NKAIN3: variants seen among roughly 807,000 people sequenced by gnomAD.
NKAIN3 encodes the protein sodium/potassium transporting ATPase interacting 3.
A neutral mutation model predicts 30.2 loss-of-function variants in NKAIN3; 25 were observed. The observed-to-expected ratio is 0.83, with a 90% CI of 0.60 to 1.16. The LOEUF (loss-of-function observed/expected upper bound fraction) is 1.16, where lower values mean the gene tolerates loss of function less well. Ranked by LOEUF, NKAIN3 falls within the 50% of genes most tolerant of loss-of-function variation. NKAIN3 has a pLI of 0.00. For synonymous variants in NKAIN3, 91 were observed against 89.6 expected (o/e 1.02, Z -0.09); for missense variants, 225 against 254.1 (o/e 0.89, Z 0.78).
intron 3 of NKAIN3, among the ~76,000 whole-genome samples, chr8:62,644,660 A>C (rs533763821): frequency 6.6e-6 from 1 of 152,146 alleles, no homozygotes; most frequent in South Asian, 2.1e-4. Context: ...TGTGACTAAA[A>C]GGTTAAGTAG....
chr8:62,856,767 T>G, intron 4 of NKAIN3: 1 of 665,070 alleles, frequency 1.5e-6, no homozygotes, highest in Non-Finnish European at 2.7e-6. Flanking sequence ...ACCTGGCTTA[T>G]CCAACTCCTG....
At chr8:62,877,781 C>T (rs1365605779) in intron 4 of NKAIN3, among the ~76,000 whole-genome samples, 1 of 152,098 alleles carries the variant, frequency 6.6e-6, no homozygotes, top group Non-Finnish European at 1.5e-5. Flanking sequence ...TGGCTCACAC[C>T]TGTAATCCCA....
At chr8:62,586,242 T>A (rs1810472954) in intron 2 of NKAIN3, among the ~76,000 whole-genome samples, 1 of 152,204 alleles carries the variant, frequency 6.6e-6, no homozygotes, top group South Asian at 2.1e-4. Context: ...CTGCTCAACA[T>A]GAAATTGAGT....
At chr8:62,561,650 G>A (rs1400136763) in intron 1 of NKAIN3, among the ~76,000 whole-genome samples, 2 of 152,020 alleles carry the variant, frequency 1.3e-5, no homozygotes, top group Non-Finnish European at 2.9e-5. Flanking sequence ...TCAAATCTCT[G>A]TAAAATTAGG....
intron 3 of NKAIN3, among the ~76,000 whole-genome samples, chr8:62,633,054 G>T (rs772599490): frequency 3.8e-4 from 57 of 151,952 alleles, no homozygotes; most frequent in Non-Finnish European, 6.9e-4. Context: ...CGTGAAGTAT[G>T]GGATTAGAGC....
intron 4 of NKAIN3, among the ~76,000 whole-genome samples, chr8:62,753,230 A>ACACACACG (rs919556861): frequency 7.9e-5 from 12 of 151,342 alleles, no homozygotes; most frequent in African/African-American, 2.9e-4. Flanking sequence ...ACACACACAC[A>ACACACACG]CACGCACGCA....
At chr8:62,441,002 G>C (rs957955951) in intron 1 of NKAIN3, among the ~76,000 whole-genome samples, 1 of 152,022 alleles carries the variant, frequency 6.6e-6, no homozygotes, top group Non-Finnish European at 1.5e-5. Context: ...CATTTTGAAG[G>C]CTTCATCTGG....
Position 62,976,598 on chromosome 8 carries a change from T to C in NKAIN3, c.*11191T>C, listed in dbSNP as rs767442920. On this transcript the variant is annotated 3_prime_UTR_variant, in exon 7 of 7. Coordinates refer to ENST00000623646, the MANE Select transcript of NKAIN3 (RefSeq NM_001304533.3). The stretch of plus-strand genomic sequence containing the variant: ...TGTGTCTTTGCACATGAGATGGGTC[T>C]CGAATACAACACACCAATGGGTTTT... 2.6e-5 allele frequency among the ~76,000 whole-genome samples: 4 copies of C among 152,158 alleles called. No individual in the cohort carries two copies. The highest frequency in any genetic ancestry group is 5.9e-5 in the Non-Finnish European group (4 of 68,008).
rs150393576 is a variant in NKAIN3 at position 62,925,918 on chromosome 8, CAGA to C, written c.532+7408_532+7410del. ...CCCTCTACACGAATGCCTGCCCGCT[CAGA>C]AGGAGGAATCACATCTCCCTACTCC... is the stretch of plus-strand genomic sequence containing the variant. On this transcript the variant is annotated intron_variant, in intron 5 of 6. Transcript: ENST00000623646. 4.9e-3 allele frequency among the ~76,000 whole-genome samples: 749 copies of C among 152,250 alleles called. 10 individuals carry two copies. The highest frequency in any genetic ancestry group is 0.015 in the African/African-American group (635 of 41,548).
intron 3 of NKAIN3, among the ~76,000 whole-genome samples, chr8:62,644,597 G>C (rs1237503653): frequency 1.8e-4 from 27 of 152,124 alleles, no homozygotes; most frequent in Admixed American, 1.8e-3. Flanking sequence ...TGAATCAGAT[G>C]TTCACATAAT....
chr8:62,383,439 C>G (rs755891962), intron 1 of NKAIN3: 1 of 451,502 alleles, frequency 2.2e-6, no homozygotes, highest in African/African-American at 2.0e-5. Flanking sequence ...TTATTCCCTA[C>G]TAATAAATGC....
intron 1 of NKAIN3, among the ~76,000 whole-genome samples, chr8:62,320,230 G>A (rs1014224704): frequency 2.0e-5 from 3 of 152,120 alleles, no homozygotes; most frequent in Non-Finnish European, 4.4e-5. Flanking sequence ...GTGTGTCTCT[G>A]CATGTGAGAT....
At chr8:62,538,314 A>G (rs1278317978) in intron 1 of NKAIN3, among the ~76,000 whole-genome samples, 13 of 152,088 alleles carry the variant, frequency 8.5e-5, no homozygotes, top group Admixed American at 3.3e-4. Context: ...AGCAAGGACC[A>G]TAGGCACCCA....
rs184654979 is a variant in NKAIN3 at position 62,324,986 on chromosome 8, C to T, written c.54+75859C>T. On this transcript the variant is annotated intron_variant, in intron 1 of 6. Transcript: ENST00000623646. Reference sequence around the variant, plus strand: ...CAAAGCCAATAATTATTTTCAAATACATTTTTATTTCAATACTTTTTGGGG... The same window carrying T: ...CAAAGCCAATAATTATTTTCAAATATATTTTTATTTCAATACTTTTTGGGG... Among the ~76,000 whole-genome samples, 95 of 152,208 alleles carry T rather than the reference C, an allele frequency of 6.2e-4. No homozygotes were observed. In the Middle Eastern group the frequency reaches 0.017, roughly 27 times the overall value.
chr8:62,281,587 T>C (rs990759727), intron 1 of NKAIN3, among the ~76,000 whole-genome samples: 6 of 152,218 alleles, frequency 3.9e-5, no homozygotes, highest in African/African-American at 1.4e-4. Flanking sequence ...TTTGTTCTCA[T>C]TGGTTTCAAA....
intron 1 of NKAIN3, among the ~76,000 whole-genome samples, chr8:62,394,964 C>T (rs1237795658): frequency 1.3e-5 from 2 of 150,378 alleles, no homozygotes; most frequent in Non-Finnish European, 3.0e-5. Flanking sequence ...CAGAGGCGCT[C>T]CTCACTTCCC....
intron 1 of NKAIN3, among the ~76,000 whole-genome samples, chr8:62,480,145 A>G (rs544963355): frequency 2.6e-5 from 4 of 152,236 alleles, no homozygotes; most frequent in African/African-American, 9.6e-5. Flanking sequence ...TCTTTGACCA[A>G]TATTTCCCCC....
intron 1 of NKAIN3, among the ~76,000 whole-genome samples, chr8:62,431,281 T>A (rs1429153580): frequency 1.3e-5 from 2 of 151,910 alleles, no homozygotes; most frequent in Admixed American, 1.3e-4. Context: ...TCTAAATGTA[T>A]TTAACAAAGA....
intron 1 of NKAIN3, among the ~76,000 whole-genome samples, chr8:62,317,807 T>C (rs1429505716): frequency 6.6e-6 from 1 of 152,260 alleles, no homozygotes. Flanking sequence ...TTTCCAATTC[T>C]GTGAAGAAAG....
Sources: allele counts gnomAD v4.1 joint callset (sites outside exome capture counted in the v4.1 genomes callset), GRCh38; gene constraint gnomAD v4.1.1; transcripts MANE v1.5; gene names NCBI Gene and HGNC (gene_info 2026-07-23, HGNC 2026-07-21).